NAP1L4: variants seen among roughly 807,000 people sequenced by gnomAD.
The protein encoded by NAP1L4 is nucleosome assembly protein 1 like 4.
Under a neutral mutation model 58.2 loss-of-function variants are expected in NAP1L4, and 15 were observed. The observed-to-expected ratio is 0.26, with a 90% CI of 0.17 to 0.40. NAP1L4 has a LOEUF of 0.40. Among genes scored for constraint, NAP1L4 ranks in the 10% least tolerant of loss-of-function variants. NAP1L4 has a pLI of 1.00. For synonymous variants in NAP1L4, 171 were observed against 155.6 expected, an observed-to-expected ratio of 1.10 and a Z score of -0.74; for missense variants, 384 against 451.1, an observed-to-expected ratio of 0.85 and a Z score of 1.35.
At chr11:2,991,207 G>A (rs1272746168) in intron 1 of NAP1L4, 1 of 451,246 alleles carries the variant, frequency 2.2e-6, no homozygotes, top group Non-Finnish European at 4.5e-6. Flanking sequence ...CCCCTTTACT[G>A]GACCCTAAAC....
At chr11:2,974,660 C>T (rs991602396) in intron 4 of NAP1L4, among the ~76,000 whole-genome samples, 4 of 152,176 alleles carry the variant, frequency 2.6e-5, no homozygotes, top group African/African-American at 9.7e-5. Flanking sequence ...CTTTGGGAGG[C>T]CAAGGTGGGC....
At position 2,984,989 on chromosome 11, in the gene NAP1L4, A is replaced by T. The variant is rs912613200; in HGVS notation, c.-17-5752T>A. Among the ~76,000 whole-genome samples, 18 of 151,504 alleles carry T rather than the reference A, an allele frequency of 1.2e-4. No individual in the cohort carries two copies. The East Asian group carries it at 3.5e-3, about 29-fold the overall frequency. On this transcript the variant is annotated intron_variant, in intron 1 of 15. Transcript: ENST00000380542. The stretch of plus-strand genomic sequence containing the variant: ...AATATTTGTATAAACATGATCAGGT[A>T]TCTTGGGGATGGGACCCAAATCTAA...
chr11:2,972,420 G>A, intron 4 of NAP1L4, 177 bp from the exon 5 acceptor site: 1 of 434,814 alleles, frequency 2.3e-6, no homozygotes, highest in East Asian at 3.6e-5. Context: ...GATACAGGAG[G>A]AAGCAGAAAA....
At position 2,979,201 on chromosome 11, in the gene NAP1L4, G is replaced by A. The variant is rs1304905403; in HGVS notation, c.14+6C>T. On this transcript the variant is annotated splice_donor_region_variant and intron_variant, in intron 2 of 15. Transcript: ENST00000380542. Reference sequence around the variant, plus strand: ...ACTCCAATAAACAAAGTCCACTTTGGCTTACCTGTGATCTGCCATCTGAAT... The same window carrying A: ...ACTCCAATAAACAAAGTCCACTTTGACTTACCTGTGATCTGCCATCTGAAT... 3 of 1,610,794 alleles carry A rather than the reference G, an allele frequency of 1.9e-6. No homozygotes were observed. Among genetic ancestry groups the A allele is most frequent in the Non-Finnish European group, 2.5e-6 (3 of 1,178,460 alleles).
intron 1 of NAP1L4, among the ~76,000 whole-genome samples, chr11:2,984,255 C>CCCTA (rs1848497623): frequency 6.6e-6 from 1 of 151,762 alleles, no homozygotes; most frequent in South Asian, 2.1e-4. Flanking sequence ...CCAAACCCAG[C>CCCTA]CCTAGTCAGT....
At chr11:2,974,777 G>A (rs889132785) in intron 4 of NAP1L4, among the ~76,000 whole-genome samples, 2 of 151,982 alleles carry the variant, frequency 1.3e-5, no homozygotes, top group African/African-American at 2.4e-5. Flanking sequence ...AAAAAAACAC[G>A]TGCAGCAAAT....
chr11:2,970,854 C>CG (rs1194972974), intron 6 of NAP1L4, among the ~76,000 whole-genome samples: 5 of 107,882 alleles, frequency 4.6e-5, no homozygotes, highest in Non-Finnish European at 9.9e-5. Context: ...TACCACCCCC[C>CG]CCCCAAAAAA....
At chr11:2,974,022 C>T (rs577543337) in intron 4 of NAP1L4, among the ~76,000 whole-genome samples, 2 of 152,314 alleles carry the variant, frequency 1.3e-5, no homozygotes, top group South Asian at 4.1e-4. Context: ...CCTGCCTCGG[C>T]CTCCCAAAGT....
chr11:2,955,033 T>C lies in NAP1L4; in HGVS notation c.916-387A>G, dbSNP rs1846449461. On this transcript the variant is annotated intron_variant, in intron 11 of 15. Coordinates refer to ENST00000380542, the MANE Select transcript of NAP1L4 (RefSeq NM_005969.4). The surrounding 1 kb of genome is among the most constrained non-coding windows in gnomAD (Gnocchi z 4.2). ...TAGATGTGTAATGATTTCAAATTAA[T>C]CCCAGAGTTTTAGGAAACAGAAATG... Among the ~76,000 whole-genome samples the C allele has an allele frequency of 6.6e-6, 1 of 151,878 alleles. No individual in the cohort carries two copies. Among genetic ancestry groups the C allele is most frequent in the East Asian group, 1.9e-4 (1 of 5,192 alleles).
intron 3 of NAP1L4, 78 bp downstream of exon 3, chr11:2,978,206 A>T: frequency 7.2e-7 from 1 of 1,382,864 alleles, no homozygotes; most frequent in Non-Finnish European, 1.0e-6. Context: ...GGAATCCTTT[A>T]CTTGCATTAA....
At chr11:2,963,916 G>A (rs1847103227) in intron 8 of NAP1L4, 1 of 519,018 alleles carries the variant, frequency 1.9e-6, no homozygotes, top group Admixed American at 1.9e-5. Flanking sequence ...AGGCTGGGAT[G>A]AGACAGTCTG....
chr11:2,970,991 A>T (rs1484720301), intron 6 of NAP1L4, among the ~76,000 whole-genome samples: 2 of 152,190 alleles, frequency 1.3e-5, no homozygotes, highest in African/African-American at 4.8e-5. Context: ...GTCACTAGAA[A>T]AAGGCTGTGA....
Position 2,950,877 on chromosome 11 carries a change from A to G in NAP1L4, c.1122+382T>C, listed in dbSNP as rs531236412. 9 of 180,374 alleles carry G rather than the reference A, an allele frequency of 5.0e-5. No individual in the cohort carries two copies. In the East Asian group the frequency reaches 1.4e-3, roughly 27 times the overall value. 11.2% of individuals were successfully genotyped at this position (180,374 alleles called of 1,614,324 possible). ...CACAATCCCATTATTCTGTTCCTTA[A>G]CAAAAAGAGCCCCAAAGTCCCTTCT... On this transcript the variant is annotated intron_variant, in intron 14 of 15. Coordinates refer to ENST00000380542, the MANE Select transcript of NAP1L4 (RefSeq NM_005969.4).
chr11:2,964,765 G>C lies in NAP1L4; in HGVS notation c.535-14C>G. ...TTCATCATATTCCTAATCAAAAAGA[G>C]AAAAAAAATTCCAACAGGCTTTTAA... On this transcript the variant is annotated splice_polypyrimidine_tract_variant and intron_variant, in intron 7 of 15. Transcript: ENST00000380542. The C allele has an allele frequency of 1.3e-6, 2 of 1,597,744 alleles. No individual in the cohort carries two copies. The highest frequency in any genetic ancestry group is 2.2e-5 in the East Asian group (1 of 44,802).
chr11:2,987,812 A>G (rs569393276), intron 1 of NAP1L4, among the ~76,000 whole-genome samples: 2 of 151,982 alleles, frequency 1.3e-5, no homozygotes, highest in East Asian at 3.9e-4. Context: ...ACTAAAGAAC[A>G]AGTTCCACGA....
chr11:2,960,795 T>C (rs926373684), intron 8 of NAP1L4, among the ~76,000 whole-genome samples: 3 of 152,236 alleles, frequency 2.0e-5, no homozygotes, highest in Non-Finnish European at 2.9e-5. Context: ...GATGCATCGA[T>C]ATGTGCAAAG....
intron 2 of NAP1L4, 110 bp from the exon 3 acceptor site, chr11:2,978,452 G>A (rs190673547): frequency 1.7e-5 from 17 of 992,824 alleles, no homozygotes; most frequent in East Asian, 2.8e-5. Flanking sequence ...GTACAGTGAC[G>A]TCAGATTTGG....
At chr11:2,980,893 AAAAT>A (rs1848261520) in intron 1 of NAP1L4, among the ~76,000 whole-genome samples, 1 of 151,652 alleles carries the variant, frequency 6.6e-6, no homozygotes, top group East Asian at 1.9e-4. Context: ...TTTTTCAAAA[AAAAT>A]AAATTATGTT....
Position 2,948,920 on chromosome 11 carries a change from A to C in NAP1L4, c.*32+307T>G, listed in dbSNP as rs533532818. 6.6e-6 allele frequency among the ~76,000 whole-genome samples: 1 copy of C among 152,306 alleles called. No homozygotes were observed. Among genetic ancestry groups the C allele is most frequent in the South Asian group, 2.1e-4 (1 of 4,824 alleles). ...TTGCTTATGGTGGCCCGTGTGTGCC[A>C]CCGTGCAGACTGCTGACCATCCAGG... On this transcript the variant is annotated intron_variant, in intron 15 of 15. Coordinates refer to ENST00000380542, the MANE Select transcript of NAP1L4 (RefSeq NM_005969.4). The surrounding 1 kb of genome is among the most constrained non-coding windows in gnomAD (Gnocchi z 5.1).
Sources: allele counts gnomAD v4.1 joint callset (sites outside exome capture counted in the v4.1 genomes callset), GRCh38; gene constraint gnomAD v4.1.1; non-coding constraint Gnocchi (gnomAD v3.1); transcripts MANE v1.5; gene names NCBI Gene and HGNC (gene_info 2026-07-23, HGNC 2026-07-21).